The following NFATC3 variants were observed in gnomAD, a reference collection of about 807,000 sequenced individuals.
NFATC3 encodes nuclear factor of activated T-cells, cytoplasmic 3.
A neutral mutation model predicts 98.6 loss-of-function variants in NFATC3; 46 were observed. The observed-to-expected ratio is 0.47, with a 90% CI of 0.37 to 0.60. The LOEUF is 0.60. Ranked by LOEUF, NFATC3 falls within the 20% of genes least tolerant of loss-of-function variation. The pLI is 0.00. For synonymous variants in NFATC3, 512 were observed against 472.2 expected (o/e 1.08, Z -1.09); for missense variants, 1,256 against 1,295.5 (o/e 0.97, Z 0.47).
chr16:68,192,062 G>T (rs1177144631), intron 9 of NFATC3: 3 of 275,190 alleles, frequency 1.1e-5, no homozygotes, highest in Non-Finnish European at 1.4e-5. Context: ...CAAAAAATTA[G>T]CCAGGCATGG....
At chr16:68,180,026 G>A (rs1488705646) in intron 6 of NFATC3, among the ~76,000 whole-genome samples, 3 of 152,162 alleles carry the variant, frequency 2.0e-5, no homozygotes, top group African/African-American at 7.2e-5. Flanking sequence ...CATTAACAAA[G>A]ACACAGCATT....
chr16:68,131,260 T>C (rs934639346), intron 3 of NFATC3, among the ~76,000 whole-genome samples: 5 of 152,192 alleles, frequency 3.3e-5, no homozygotes, highest in East Asian at 1.9e-4. Context: ...TACATTCTTA[T>C]ACAACAACAA....
chr16:68,099,098 G>A (rs2035200270), intron 1 of NFATC3, among the ~76,000 whole-genome samples: 1 of 152,188 alleles, frequency 6.6e-6, no homozygotes, highest in Non-Finnish European at 1.5e-5. Context: ...GTTCTCTGCA[G>A]TTTTATCATA....
Position 68,191,007 on chromosome 16 carries a change from A to T in NFATC3, c.2338A>T (p.Met780Leu). Reference sequence around the variant, plus strand: ...TGAGAGTGTTAGTAAAGAACAGCATATGATTCCTTCTCCAATTGTACACCA... The same window carrying T: ...TGAGAGTGTTAGTAAAGAACAGCATTTGATTCCTTCTCCAATTGTACACCA... ...RDESVSKEQH[M>L]IPSPIVHQPF... The change falls in exon 9 of 10, where the codon ATG becomes TTG. Residue 780 changes from methionine to leucine, a missense_variant. Met to Leu is a conservative substitution (Grantham distance 15, BLOSUM62 2). Transcript: ENST00000346183. The T allele has an allele frequency of 1.2e-6, 2 of 1,614,252 alleles. No individual in the cohort carries two copies. Among genetic ancestry groups the T allele is most frequent in the Non-Finnish European group, 1.7e-6 (2 of 1,180,046 alleles).
chr16:68,101,665 G>T (rs539476311), intron 1 of NFATC3, among the ~76,000 whole-genome samples: 2 of 151,608 alleles, frequency 1.3e-5, no homozygotes, highest in African/African-American at 4.8e-5. Context: ...TTGTATTTTT[G>T]ATAGAGATGG....
chr16:68,199,348 T>C (rs1292638325), intron 9 of NFATC3, among the ~76,000 whole-genome samples: 8 of 148,756 alleles, frequency 5.4e-5, no homozygotes, highest in Admixed American at 6.7e-5. Flanking sequence ...CTCAGCCTCC[T>C]GAGTAGCTGG....
At chr16:68,092,543 C>T (rs2034779436) in intron 1 of NFATC3, among the ~76,000 whole-genome samples, 1 of 117,472 alleles carries the variant, frequency 8.5e-6, no homozygotes, top group Admixed American at 8.6e-5. Flanking sequence ...AGGCGGATCA[C>T]GAGGTCAGGA....
In NFATC3 at chr16:68,209,850, G is replaced by GACAC. The variant is rs755825565; in HGVS notation, c.3107-16485_3107-16482dup. 2,924 of 314,634 alleles carry GACAC rather than the reference G, an allele frequency of 9.3e-3. 19 individuals carry two copies. Among genetic ancestry groups the GACAC allele is most frequent in the Middle Eastern group, 0.02 (17 of 852 alleles). The allele number at this position is 314,634 out of a possible 1,614,324, so 19.5% of individuals were successfully genotyped here. ...CCCCCTGCCCCCCAACACACACACA[G>GACAC]ACACACACACACACACACTCACAGT... On this transcript the variant is annotated intron_variant, in intron 9 of 9. Transcript: ENST00000346183.
At chr16:68,115,048 C>CA (rs2036199502) in intron 1 of NFATC3, among the ~76,000 whole-genome samples, 1 of 152,016 alleles carries the variant, frequency 6.6e-6, no homozygotes, top group African/African-American at 2.4e-5. Flanking sequence ...TTAAATAACT[C>CA]ACCATCAGTA....
chr16:68,149,295 C>A (rs375334898), intron 3 of NFATC3, among the ~76,000 whole-genome samples: 1 of 152,260 alleles, frequency 6.6e-6, no homozygotes, highest in African/African-American at 2.4e-5. Context: ...ACTATGCTCC[C>A]TAGGCAGAAG....
chr16:68,211,719 A>G (rs2041408425), intron 9 of NFATC3, among the ~76,000 whole-genome samples: 1 of 150,830 alleles, frequency 6.6e-6, no homozygotes, highest in African/African-American at 2.4e-5. Flanking sequence ...ACGGGGTTTC[A>G]CCATGCTGGC....
At chr16:68,207,248 T>C (rs910286081) in intron 9 of NFATC3, among the ~76,000 whole-genome samples, 3 of 150,880 alleles carry the variant, frequency 2.0e-5, no homozygotes, top group Non-Finnish European at 4.4e-5. Context: ...AGGCAAAGGT[T>C]GCAGTGAGCC....
chr16:68,127,264 C>A (rs2036886207), intron 3 of NFATC3, among the ~76,000 whole-genome samples: 1 of 152,002 alleles, frequency 6.6e-6, no homozygotes, highest in Non-Finnish European at 1.5e-5. Flanking sequence ...GGATAAGCAA[C>A]AAATTACCCA....
At chr16:68,158,161 T>A in intron 4 of NFATC3, 93 bp downstream of exon 4, 1 of 763,816 alleles carries the variant, frequency 1.3e-6, no homozygotes, top group Non-Finnish European at 2.0e-6. Flanking sequence ...ATATAAAATA[T>A]TGTTCTAAAT....
chr16:68,184,017 A>AC (rs1429583157), intron 8 of NFATC3, among the ~76,000 whole-genome samples: 1 of 151,844 alleles, frequency 6.6e-6, no homozygotes, highest in East Asian at 1.9e-4. Context: ...AAAAAAAAAA[A>AC]AAAAAAAAGA....
chr16:68,130,724 G>A (rs954656525), intron 3 of NFATC3, among the ~76,000 whole-genome samples: 3 of 152,166 alleles, frequency 2.0e-5, no homozygotes, highest in African/African-American at 2.4e-5. Context: ...GCTTAGATCA[G>A]CGTTATGGAG....
At chr16:68,206,764 C>T (rs1338654649) in intron 9 of NFATC3, among the ~76,000 whole-genome samples, 1 of 152,062 alleles carries the variant, frequency 6.6e-6, no homozygotes. Context: ...GGGTGGATTG[C>T]CTGAGCCCAG....
chr16:68,127,620 T>C (rs1264704361), intron 3 of NFATC3, among the ~76,000 whole-genome samples: 1 of 150,718 alleles, frequency 6.6e-6, no homozygotes, highest in African/African-American at 2.4e-5. Flanking sequence ...CCTGGGAGGT[T>C]GAGGCTGTAG....
At position 68,158,082 on chromosome 16, in the gene NFATC3, T is replaced by A. The variant is rs369218056; in HGVS notation, c.1601+14T>A. ...TATGTCAGCCAGGTATTTTGAAATA[T>A]ACCTAAAATGTGCAGTTCTTTTTTT... On this transcript the variant is annotated intron_variant, in intron 4 of 9. Coordinates refer to ENST00000346183, the MANE Select transcript of NFATC3 (RefSeq NM_173165.3). 1.9e-6 allele frequency: 3 copies of A among 1,582,008 alleles called. No homozygotes were observed. The highest frequency in any genetic ancestry group is 2.6e-6 in the Non-Finnish European group (3 of 1,155,764).
Sources: gnomAD v4.1 joint callset for allele counts (sites outside exome capture counted in the v4.1 genomes callset) on GRCh38, gnomAD v4.1.1 for gene constraint, MANE v1.5 for transcripts, NCBI Gene and HGNC (gene_info 2026-07-23, HGNC 2026-07-21) for gene names.